NOL4: variants seen among roughly 807,000 people sequenced by gnomAD.
The protein encoded by NOL4 is nucleolar protein 4, also known as cancer/testis antigen 125.
NOL4 carries 17 observed loss-of-function variants against 75.9 expected under a neutral mutation model. The observed-to-expected ratio is 0.22, with a 90% confidence interval of 0.15 to 0.34. The LOEUF (loss-of-function observed/expected upper bound fraction) is 0.34. Ranked by LOEUF, NOL4 falls within the 10% of genes least tolerant of loss-of-function variation. The probability of loss-of-function intolerance (pLI) is 1.00; values close to 1 mark genes in which losing one functional copy is unlikely to be tolerated. For synonymous variants in NOL4, 292 were observed against 289.9 expected (o/e 1.01, Z -0.07); for missense variants, 614 against 793.5 (o/e 0.77, Z 2.72).
intron 10 of NOL4, among the ~76,000 whole-genome samples, chr18:33,863,415 T>TATA (rs2063274070): frequency 6.6e-6 from 1 of 151,966 alleles, no homozygotes; most frequent in South Asian, 2.1e-4. Flanking sequence ...AAACTTAAAG[T>TATA]ATAATAATAA....
rs145201358 is a variant in NOL4, at chr18:33,926,230, C to T, written c.1542+16835G>A. The stretch of plus-strand genomic sequence containing the variant: ...CAAAAATTAGCTGGGTGCGGTGACA[C>T]GCACCTGTAGTCCCAGCTACTTGGG... On this transcript the variant is annotated intron_variant, in intron 9 of 10. Transcript: ENST00000261592. 4.8e-3 allele frequency among the ~76,000 whole-genome samples: 734 copies of T among 151,810 alleles called. 9 individuals carry two copies. The highest frequency in any genetic ancestry group is 0.016 in the African/African-American group (683 of 41,436).
chr18:33,916,726 T>A (rs755856364), intron 9 of NOL4, among the ~76,000 whole-genome samples: 2 of 152,222 alleles, frequency 1.3e-5, no homozygotes, highest in Non-Finnish European at 2.9e-5. Flanking sequence ...TTGCTAAATA[T>A]AAATATTATT....
intron 4 of NOL4, among the ~76,000 whole-genome samples, chr18:34,100,362 A>G (rs953674106): frequency 6.6e-6 from 1 of 151,462 alleles, no homozygotes; most frequent in Non-Finnish European, 1.5e-5. Flanking sequence ...TCCATCTCCT[A>G]CCTCTTTCCC....
At chr18:33,987,159 T>C (rs1032986605) in intron 6 of NOL4, among the ~76,000 whole-genome samples, 1 of 152,082 alleles carries the variant, frequency 6.6e-6, no homozygotes, top group Admixed American at 6.6e-5. Flanking sequence ...TACTTTACAC[T>C]AAAAATGGTG....
chr18:34,032,897 C>G (rs1275150690), intron 5 of NOL4, among the ~76,000 whole-genome samples: 3 of 152,082 alleles, frequency 2.0e-5, no homozygotes, highest in Non-Finnish European at 4.4e-5. Context: ...TCACAGCCTC[C>G]AATAACAATT....
At chr18:33,860,022 G>A (rs2063026460) in intron 10 of NOL4, among the ~76,000 whole-genome samples, 1 of 152,144 alleles carries the variant, frequency 6.6e-6, no homozygotes, top group Non-Finnish European at 1.5e-5. Flanking sequence ...GAGGCCTCAG[G>A]AAACTTACAG....
intron 5 of NOL4, among the ~76,000 whole-genome samples, chr18:34,031,128 C>A (rs925146048): frequency 6.6e-6 from 1 of 152,180 alleles, no homozygotes; most frequent in South Asian, 2.1e-4. Flanking sequence ...GTTTGAATAA[C>A]AAAATCACTG....
intron 5 of NOL4, among the ~76,000 whole-genome samples, chr18:34,045,224 T>A (rs1158861673): frequency 6.6e-6 from 1 of 152,172 alleles, no homozygotes; most frequent in Non-Finnish European, 1.5e-5. Context: ...GCCTGGGCTG[T>A]CAAATAAATC....
intron 1 of NOL4, among the ~76,000 whole-genome samples, chr18:34,192,381 C>T (rs2034983767): frequency 6.6e-6 from 1 of 152,034 alleles, no homozygotes; most frequent in South Asian, 2.1e-4. Flanking sequence ...TTGTATAATA[C>T]CACAAAAGAT....
At chr18:33,897,713 T>A (rs996317041) in intron 9 of NOL4, among the ~76,000 whole-genome samples, 1 of 152,028 alleles carries the variant, frequency 6.6e-6, no homozygotes, top group Non-Finnish European at 1.5e-5. Flanking sequence ...CCATGACACA[T>A]GTTTGACTAC....
chr18:34,176,794 T>C (rs184905632), intron 1 of NOL4, among the ~76,000 whole-genome samples: 3 of 152,190 alleles, frequency 2.0e-5, no homozygotes, highest in African/African-American at 7.2e-5. Context: ...TCCAGAACTA[T>C]GAGAAAATTA....
chr18:34,070,909 A>G (rs1600479838), intron 5 of NOL4, among the ~76,000 whole-genome samples: 1 of 152,326 alleles, frequency 6.6e-6, no homozygotes, highest in African/African-American at 2.4e-5. Context: ...TATAAAATCA[A>G]TAACACAAAG....
chr18:33,959,301 G>A (rs746599145), intron 6 of NOL4, among the ~76,000 whole-genome samples: 34 of 152,134 alleles, frequency 2.2e-4, no homozygotes, highest in Non-Finnish European at 3.8e-4. Flanking sequence ...ATGTTAATGG[G>A]GCTGTTTAAA....
chr18:33,947,763 G>T (rs1161784161), intron 8 of NOL4, among the ~76,000 whole-genome samples: 1 of 151,782 alleles, frequency 6.6e-6, no homozygotes, highest in Non-Finnish European at 1.5e-5. Flanking sequence ...GATCTGAGTT[G>T]ATCTTTCTCC....
intron 1 of NOL4, among the ~76,000 whole-genome samples, chr18:34,155,988 A>G (rs1210041096): frequency 6.6e-6 from 1 of 152,142 alleles, no homozygotes; most frequent in African/African-American, 2.4e-5. Context: ...TTTCCTATAG[A>G]AGGGTTTCCC....
At chr18:34,179,819 C>T (rs1201436958) in intron 1 of NOL4, among the ~76,000 whole-genome samples, 1 of 151,466 alleles carries the variant, frequency 6.6e-6, no homozygotes, top group East Asian at 1.9e-4. Flanking sequence ...TTAAATCTTC[C>T]AGTGATTTGA....
At chr18:34,181,955 C>A (rs1467137947) in intron 1 of NOL4, among the ~76,000 whole-genome samples, 3 of 151,492 alleles carry the variant, frequency 2.0e-5, no homozygotes, top group African/African-American at 7.3e-5. Flanking sequence ...CATAACGTTG[C>A]TCTGGGGATC....
rs143713898 is a variant in NOL4 at position 34,115,343 on chromosome 18, A to G, written c.415-10183T>C. On this transcript the variant is annotated intron_variant, in intron 2 of 10. Transcript: ENST00000261592. ...CCACCATGGCCAGGCACGTCACCCA[A>G]GCTGGAGTGGAGTAGCATAATAATA... 2.8e-4 allele frequency among the ~76,000 whole-genome samples: 42 copies of G among 152,226 alleles called. No homozygotes were observed. The East Asian group carries it at 7.0e-3, about 25-fold the overall frequency.
At chr18:33,979,244 C>A (rs2071749645) in intron 6 of NOL4, among the ~76,000 whole-genome samples, 1 of 151,778 alleles carries the variant, frequency 6.6e-6, no homozygotes. Context: ...CAAAGTCACC[C>A]CCCATTCCCC....
Sources: allele counts gnomAD v4.1 joint callset (sites outside exome capture counted in the v4.1 genomes callset), GRCh38; gene constraint gnomAD v4.1.1; transcripts MANE v1.5; gene names NCBI Gene and HGNC (gene_info 2026-07-23, HGNC 2026-07-21).